Variants in CHL1 observed in about 807,000 individuals in gnomAD.
CHL1 encodes cell adhesion molecule L1 like.
In CHL1, 96 loss-of-function variants were observed where a neutral mutation model predicts 141.9. That is an observed-to-expected ratio of 0.68 (90% CI 0.57 to 0.80). The LOEUF is 0.80. Among genes scored for constraint, CHL1 ranks in the 30% least tolerant of loss-of-function variants. The pLI is 0.00. For missense variants in CHL1, 1,820 were observed against 1,457.2 expected, an observed-to-expected ratio of 1.25 and a Z score of -4.05; for synonymous variants, 613 against 502.2, an observed-to-expected ratio of 1.22 and a Z score of -2.95.
Position 391,746 on chromosome 3 carries a change from C to T in CHL1, c.2863C>T (p.Pro955Ser). ...CACTGCCACTTTATCTTGGGGACTA[C>T]CTAAGAAATTAAATGGAAACTTAAC... ...KDTATLSWGLPKKLNGNLTGY... is the reference protein window; with the variant it reads ...KDTATLSWGLSKKLNGNLTGY... The change falls in exon 23 of 28, where the codon CCT becomes TCT. Residue 955 changes from proline (P) to serine (S), a missense_variant. By Grantham distance (74) the Pro-to-Ser change is moderately conservative (BLOSUM62 -1). Transcript: ENST00000256509. The T allele has an allele frequency of 6.2e-7, 1 of 1,600,260 alleles. No homozygotes were observed. Among genetic ancestry groups the T allele is most frequent in the South Asian group, 1.1e-5 (1 of 89,200 alleles).
In CHL1 at chr3:314,647, G is replaced by A. The variant is rs1700029232; in HGVS notation, c.-94-5036G>A. ...CCATTTTACGTTTAGTGGCTGGCTG[G>A]CTGTTGGCCAGGATGATGGGGATGA... On this transcript the variant is annotated intron_variant, in intron 2 of 27. Transcript: ENST00000256509. Among the ~76,000 whole-genome samples, 3 of 151,846 alleles carry A rather than the reference G, an allele frequency of 2.0e-5. No individual in the cohort carries two copies. The South Asian group carries it at 6.2e-4, about 32-fold the overall frequency.
chr3:338,055 G>A (rs137893814), intron 5 of CHL1, among the ~76,000 whole-genome samples: 7,747 of 152,104 alleles, frequency 0.051, 282 homozygotes, highest in Non-Finnish European at 0.073. Flanking sequence ...TAGTAGAGAC[G>A]GGGTTTCACC....
chr3:397,986 C>A (rs1157147566), intron 24 of CHL1, among the ~76,000 whole-genome samples: 5 of 152,066 alleles, frequency 3.3e-5, no homozygotes, highest in African/African-American at 1.2e-4. Context: ...TGTGACCAGG[C>A]AGATTTACAG....
intron 2 of CHL1, among the ~76,000 whole-genome samples, chr3:313,051 A>G (rs761456314): frequency 2.0e-5 from 3 of 152,102 alleles, no homozygotes; most frequent in Non-Finnish European, 4.4e-5. Flanking sequence ...GTGAAGAGGA[A>G]TGTCAACGTA....
chr3:286,570 C>T (rs183493325), intron 2 of CHL1, among the ~76,000 whole-genome samples: 2 of 143,684 alleles, frequency 1.4e-5, no homozygotes, highest in Admixed American at 1.4e-4. Context: ...GAGATTGCGC[C>T]ATTGCACTCC....
chr3:389,137 C>G (rs1179211521), intron 19 of CHL1, 115 bp from the exon 20 acceptor site: 1 of 834,292 alleles, frequency 1.2e-6, no homozygotes, highest in Non-Finnish European at 1.9e-6. Flanking sequence ...TTTAAGATCT[C>G]TCAACAAATG....
At chr3:308,379 C>CA (rs1322886357) in intron 2 of CHL1, among the ~76,000 whole-genome samples, 1 of 151,856 alleles carries the variant, frequency 6.6e-6, no homozygotes, top group African/African-American at 2.4e-5. Flanking sequence ...AAGGCAGGTA[C>CA]AAAAAATTGT....
At chr3:335,424 T>C (rs755869287) in intron 5 of CHL1, among the ~76,000 whole-genome samples, 10 of 152,176 alleles carry the variant, frequency 6.6e-5, no homozygotes, top group Non-Finnish European at 7.3e-5. Context: ...AGTGGATTAA[T>C]GGGATGTTCT....
intron 1 of CHL1, among the ~76,000 whole-genome samples, chr3:219,965 T>A (rs1252840530): frequency 1.3e-5 from 2 of 152,218 alleles, no homozygotes; most frequent in Non-Finnish European, 2.9e-5. Flanking sequence ...CAATTGTTCA[T>A]CTACATCATT....
intron 19 of CHL1, chr3:385,804 G>T (rs191595983): frequency 7.1e-6 from 1 of 139,922 alleles, no homozygotes; most frequent in Admixed American, 7.6e-5. Context: ...CTCCAGCCTG[G>T]GTGACAGAGC....
rs757399198 is a variant in CHL1, at chr3:394,743, C to T, written c.2965C>T (p.Pro989Ser). ...GELNDINITT[P>S]SKPSWHLSNL... is the part of the protein sequence containing the mutation. The stretch of plus-strand genomic sequence containing the variant: ...ATTAAATGATATTAACATTACAACT[C>T]CATCAAAGCCCAGCTGGCACCTCTC... Residue 989 changes from proline (P) to serine (S), a missense_variant, in exon 24 of 28, where the codon CCA becomes TCA. Transcript: ENST00000256509. 1.2e-6 allele frequency: 2 copies of T among 1,613,640 alleles called. No homozygotes were observed. The highest frequency in any genetic ancestry group is 3.3e-5 in the Admixed American group (2 of 59,984).
intron 14 of CHL1, among the ~76,000 whole-genome samples, chr3:365,665 T>C (rs933671869): frequency 6.6e-6 from 1 of 152,250 alleles, no homozygotes; most frequent in Non-Finnish European, 1.5e-5. Context: ...TTTCAACTTC[T>C]AGAGACATTT....
intron 1 of CHL1, among the ~76,000 whole-genome samples, chr3:210,823 A>G (rs1699845011): frequency 6.6e-6 from 1 of 152,194 alleles, no homozygotes; most frequent in African/African-American, 2.4e-5. Context: ...CACTTCCTAG[A>G]GATCTTAGAC....
intron 2 of CHL1, among the ~76,000 whole-genome samples, chr3:297,565 A>C (rs1270506663): frequency 6.6e-6 from 1 of 152,250 alleles, no homozygotes; most frequent in Non-Finnish European, 1.5e-5. Context: ...AGTATACAAC[A>C]TATTATATTT....
At chr3:219,989 T>A (rs1399172801) in intron 1 of CHL1, among the ~76,000 whole-genome samples, 1 of 152,228 alleles carries the variant, frequency 6.6e-6, no homozygotes, top group Non-Finnish European at 1.5e-5. Flanking sequence ...TAATACTTAG[T>A]ATCTAAAAGG....
At chr3:394,984 AT>A in intron 24 of CHL1, 112 bp downstream of exon 24, 2 of 884,832 alleles carry the variant, frequency 2.3e-6, no homozygotes, top group South Asian at 4.1e-5. Flanking sequence ...ATTAGAAATG[AT>A]TGTGATCCCA....
intron 10 of CHL1, among the ~76,000 whole-genome samples, chr3:352,078 G>A (rs1229157871): frequency 6.6e-6 from 1 of 152,058 alleles, no homozygotes; most frequent in Non-Finnish European, 1.5e-5. Context: ...AGTGAAATAG[G>A]AAAGCATTTA....
chr3:401,049 A>C (rs1006086076), intron 26 of CHL1, among the ~76,000 whole-genome samples: 1 of 151,784 alleles, frequency 6.6e-6, no homozygotes, highest in Non-Finnish European at 1.5e-5. Flanking sequence ...CTACAGGTGT[A>C]TGCTACCATG....
At chr3:237,930 G>T (rs540683160) in intron 1 of CHL1, among the ~76,000 whole-genome samples, 1 of 152,250 alleles carries the variant, frequency 6.6e-6, no homozygotes, top group East Asian at 1.9e-4. Context: ...CTTAGAAAAA[G>T]TTGAACATCT....
Sources: gnomAD v4.1 joint callset for allele counts (sites outside exome capture counted in the v4.1 genomes callset) on GRCh38, gnomAD v4.1.1 for gene constraint, MANE v1.5 for transcripts, NCBI Gene and HGNC (gene_info 2026-07-23, HGNC 2026-07-21) for gene names.